SLC35A3: variants seen among roughly 807,000 people sequenced by gnomAD.
SLC35A3 encodes UDP-N-acetylglucosamine transporter.
SLC35A3 carries 26 observed loss-of-function variants against 39.0 expected under a neutral mutation model. The observed-to-expected ratio is 0.67, with a 90% CI of 0.49 to 0.92. The LOEUF is 0.92. SLC35A3 is among the 40% of genes least tolerant of loss of function. The pLI is 0.00. For missense variants in SLC35A3, 299 were observed against 371.6 expected (o/e 0.80, Z 1.61); for synonymous variants, 135 against 133.1 (o/e 1.01, Z -0.10).
intron 1 of SLC35A3, chr1:99,978,804 T>C (rs1173288883): frequency 6.6e-6 from 1 of 152,244 alleles, no homozygotes. Context: ...GTGCATACTG[T>C]GTGCAAGGAA....
At chr1:99,975,237 A>G (rs191984931) in intron 1 of SLC35A3, among the ~76,000 whole-genome samples, 2 of 152,194 alleles carry the variant, frequency 1.3e-5, no homozygotes, top group Non-Finnish European at 2.9e-5. Flanking sequence ...CACCGTGTCC[A>G]GCCCCTGCAT....
At chr1:99,979,435 T>C (rs1298486092) in intron 1 of SLC35A3, among the ~76,000 whole-genome samples, 7 of 150,754 alleles carry the variant, frequency 4.6e-5, no homozygotes, top group Non-Finnish European at 5.9e-5. Context: ...TCTTTCTTTT[T>C]TTTTTTTTTT....
At chr1:99,978,093 T>C (rs376108261) in intron 1 of SLC35A3, among the ~76,000 whole-genome samples, 2 of 152,242 alleles carry the variant, frequency 1.3e-5, no homozygotes, top group East Asian at 3.8e-4. Flanking sequence ...TTCTCTAGCT[T>C]ATAAGCTTTA....
At chr1:99,974,589 G>T (rs1378627820) in intron 1 of SLC35A3, among the ~76,000 whole-genome samples, 3 of 152,102 alleles carry the variant, frequency 2.0e-5, no homozygotes, top group Admixed American at 6.5e-5. Context: ...CATGGCCTCT[G>T]AAAGTGTTGA....
chr1:100,006,817 A>G (rs1484136358), intron 3 of SLC35A3, among the ~76,000 whole-genome samples: 2 of 152,210 alleles, frequency 1.3e-5, no homozygotes, highest in African/African-American at 4.8e-5. Flanking sequence ...AGAAGGTTCA[A>G]TTCATTTTGC....
intron 1 of SLC35A3, chr1:99,974,870 A>G (rs1341076766): frequency 6.6e-6 from 1 of 152,044 alleles, no homozygotes; most frequent in Non-Finnish European, 1.5e-5. Context: ...TTCTCTTACT[A>G]TTTTTACTTC....
rs550082426 is a variant in SLC35A3, at chr1:99,992,024, G to A, written c.-18-1513G>A. Among the ~76,000 whole-genome samples the A allele has an allele frequency of 4.6e-5, 7 of 152,294 alleles. No individual in the cohort carries two copies. In the East Asian group the frequency reaches 1.3e-3, roughly 29 times the overall value. ...AGCCTCCCAAAGTGCTGGGATTACAGGCATGAGCCACTGCACCCAGCCAGG... is the reference window on the plus strand; with the variant it reads ...AGCCTCCCAAAGTGCTGGGATTACAAGCATGAGCCACTGCACCCAGCCAGG... On this transcript the variant is annotated intron_variant, in intron 1 of 7. Transcript: ENST00000533028.
intron 7 of SLC35A3, among the ~76,000 whole-genome samples, chr1:100,021,295 C>T (rs182403303): frequency 2.7e-4 from 40 of 150,370 alleles, no homozygotes; most frequent in Admixed American, 2.3e-3. Context: ...ACCTGGGAGG[C>T]GGAGGTTGCA....
intron 1 of SLC35A3, among the ~76,000 whole-genome samples, chr1:99,974,567 C>T (rs572095987): frequency 7.9e-5 from 12 of 152,228 alleles, no homozygotes; most frequent in African/African-American, 2.2e-4. Context: ...TGGCCTCAAG[C>T]GATCCTCCCA....
At chr1:100,007,545 T>C (rs1349359252) in intron 4 of SLC35A3, 1 of 155,826 alleles carries the variant, frequency 6.4e-6, no homozygotes, top group African/African-American at 2.4e-5. Context: ...CTTATTGGTT[T>C]TCTTCATAGG....
chr1:99,971,110 C>A (rs1026159984), intron 1 of SLC35A3, among the ~76,000 whole-genome samples: 1 of 152,168 alleles, frequency 6.6e-6, no homozygotes, highest in African/African-American at 2.4e-5. Context: ...CTCCATATTA[C>A]TTTTAAAGCC....
At chr1:99,990,661 T>G (rs1390920687) in intron 1 of SLC35A3, among the ~76,000 whole-genome samples, 1 of 152,218 alleles carries the variant, frequency 6.6e-6, no homozygotes, top group East Asian at 1.9e-4. Context: ...TTTCTGTACC[T>G]TTGTCAAATA....
At chr1:100,002,588 T>C (rs1658885172) in intron 3 of SLC35A3, among the ~76,000 whole-genome samples, 1 of 152,160 alleles carries the variant, frequency 6.6e-6, no homozygotes, top group African/African-American at 2.4e-5. Flanking sequence ...GTTTAGTTTC[T>C]ATTTCATTTA....
chr1:100,015,403 A>G lies in SLC35A3; in HGVS notation c.736A>G (p.Ile246Val), dbSNP rs138603390. The change falls in exon 6 of 8, where the codon ATA (isoleucine) becomes GTA (valine). Residue 246 changes from isoleucine to valine, a missense_variant. By Grantham distance (29) the Ile-to-Val change is conservative. Transcript: ENST00000533028. The stretch of plus-strand genomic sequence containing the variant: ...TCAGGGATATAACCGACTGACCTGG[A>G]TAGTAGTTGTTCTTCAGGTAAAGCA... The part of the protein sequence containing the change: ...FFQGYNRLTW[I>V]VVVLQALGGL... The G allele has an allele frequency of 2.5e-6, 4 of 1,608,484 alleles. No individual in the cohort carries two copies. Among genetic ancestry groups the G allele is most frequent in the Middle Eastern group, 1.7e-4 (1 of 6,020 alleles).
At chr1:99,985,345 T>C (rs1031740036) in intron 1 of SLC35A3, among the ~76,000 whole-genome samples, 1 of 152,186 alleles carries the variant, frequency 6.6e-6, no homozygotes, top group Non-Finnish European at 1.5e-5. Flanking sequence ...CTCTATGTTT[T>C]TGTTTGCTTT....
At chr1:99,988,958 A>G (rs1315918357) in intron 1 of SLC35A3, among the ~76,000 whole-genome samples, 2 of 151,882 alleles carry the variant, frequency 1.3e-5, no homozygotes, top group Non-Finnish European at 2.9e-5. Flanking sequence ...ACGGGATCTC[A>G]ATATGTTGCC....
At chr1:99,978,269 C>A (rs549333460) in intron 1 of SLC35A3, among the ~76,000 whole-genome samples, 141 of 152,232 alleles carry the variant, frequency 9.3e-4, no homozygotes, top group Non-Finnish European at 1.4e-3. Context: ...CTCATACCTG[C>A]AATCCCAGCA....
chr1:100,027,470 A>C lies in SLC35A3; in HGVS notation c.*4994A>C. ...GTCTCAAAAAACAAACAAAACAAAA[A>C]CTGAAACAACAAAAAAAGACTGGGT... On this transcript the variant is annotated 3_prime_UTR_variant, in exon 8 of 8. Transcript: ENST00000533028. 3.1e-6 allele frequency: 1 copy of C among 318,668 alleles called. No individual in the cohort carries two copies. The allele number at this position is 318,668 out of a possible 1,614,324, so 19.7% of individuals were successfully genotyped here.
intron 5 of SLC35A3, 149 bp from the exon 6 acceptor site, chr1:100,015,151 CCG>C (rs1659977596): frequency 1.4e-6 from 1 of 729,654 alleles, no homozygotes. Context: ...GAGCAAGACT[CCG>C]TCTCAAAAAA....
Sources: gnomAD v4.1 joint callset for allele counts (sites outside exome capture counted in the v4.1 genomes callset) on GRCh38, gnomAD v4.1.1 for gene constraint, MANE v1.5 for transcripts, NCBI Gene and HGNC (gene_info 2026-07-23, HGNC 2026-07-21) for gene names.